The following RAB27A variants were observed in gnomAD, a reference collection of about 807,000 sequenced individuals.
The protein encoded by RAB27A is ras-related protein Rab-27A.
Under a neutral mutation model 20.8 loss-of-function variants are expected in RAB27A, and 17 were observed. The ratio of observed to expected loss-of-function variants is 0.82; its 90% CI spans 0.56 to 1.23. RAB27A has a LOEUF of 1.23. RAB27A is among the 50% of genes most tolerant of loss of function. The probability of loss-of-function intolerance (pLI) is 0.00; values close to 1 mark genes in which losing one functional copy is unlikely to be tolerated. For synonymous variants in RAB27A, 85 were observed against 92.8 expected (o/e 0.92, Z 0.48); for missense variants, 277 against 266.7 (o/e 1.04, Z -0.27).
Position 55,289,151 on chromosome 15 carries a change from T to A in RAB27A, c.-143+565A>T, listed in dbSNP as rs1453934029. The A allele has an allele frequency of 2.0e-5, 3 of 152,364 alleles. No individual in the cohort carries two copies. The East Asian group carries it at 5.8e-4, about 29-fold the overall frequency. The allele number at this position is 152,364 out of a possible 1,614,324, so 9.4% of individuals were successfully genotyped here. On this transcript the variant is annotated intron_variant, in intron 1 of 6. Coordinates refer to ENST00000336787, the MANE Select transcript of RAB27A (RefSeq NM_183235.3). The stretch of plus-strand genomic sequence containing the variant: ...TGACTTTGCTGAACTGGTGATCTAT[T>A]GGGACAGAGACAGGCTTTGGCAATA...
chr15:55,302,216 AAAC>A (rs1048398124), intron 2 of RAB27A, among the ~76,000 whole-genome samples: 19 of 151,538 alleles, frequency 1.3e-4, no homozygotes, highest in South Asian at 1.0e-3. Context: ...CTCATCTCAA[AAAC>A]AACAACAACA....
upstream of RAB27A, among the ~76,000 whole-genome samples, chr15:55,294,589 G>GAAAAAAAAAAAA (rs1181179911): frequency 6.9e-5 from 2 of 29,184 alleles, no homozygotes; most frequent in African/African-American, 2.4e-4. Flanking sequence ...CCCTGTCTCC[G>GAAAAAAAAAAAA]AAAAAAAAAA....
chr15:55,263,368 C>T (rs1897344299), intron 2 of RAB27A, among the ~76,000 whole-genome samples: 1 of 143,728 alleles, frequency 7.0e-6, no homozygotes, highest in African/African-American at 2.7e-5. Context: ...AAGTCGCTCC[C>T]GTCTTGGGCT....
At chr15:55,235,471 T>C (rs1896218501) in intron 2 of RAB27A, among the ~76,000 whole-genome samples, 1 of 150,970 alleles carries the variant, frequency 6.6e-6, no homozygotes, top group African/African-American at 2.4e-5. Flanking sequence ...TAAATAAAAA[T>C]AAAAATAAAA....
At chr15:55,298,417 G>C (rs542699840) in intron 2 of RAB27A, among the ~76,000 whole-genome samples, 36 of 152,208 alleles carry the variant, frequency 2.4e-4, no homozygotes, top group African/African-American at 8.4e-4. Context: ...AAACCACCAA[G>C]TTTTTATTAG....
rs1229229840 is a variant in RAB27A, at chr15:55,227,767, G to T, written c.343+842C>A. Among the ~76,000 whole-genome samples the T allele has an allele frequency of 3.3e-5, 5 of 152,092 alleles. No homozygotes were observed. The East Asian group carries it at 9.6e-4, about 29-fold the overall frequency. On this transcript the variant is annotated intron_variant, in intron 5 of 6. Coordinates refer to ENST00000336787, the MANE Select transcript of RAB27A (RefSeq NM_183235.3). ...ATTTTTAAACTCATTTTTAATCTAA[G>T]CTTTTCTACTATCAAAACTACAGCC...
chr15:55,246,610 T>C (rs1206401869), intron 2 of RAB27A, among the ~76,000 whole-genome samples: 12 of 145,910 alleles, frequency 8.2e-5, no homozygotes, highest in East Asian at 4.0e-4. Context: ...TATAGGGTAA[T>C]AGAAAAAAAA....
At chr15:55,318,551 A>C (rs1374113713) in intron 1 of RAB27A, among the ~76,000 whole-genome samples, 2 of 151,308 alleles carry the variant, frequency 1.3e-5, no homozygotes, top group Non-Finnish European at 3.0e-5. Context: ...AAAAAACACA[A>C]AAATTGGCCA....
At chr15:55,223,423 C>T (rs1264235060) in intron 6 of RAB27A, among the ~76,000 whole-genome samples, 3 of 151,634 alleles carry the variant, frequency 2.0e-5, no homozygotes, top group East Asian at 1.9e-4. Flanking sequence ...GTAGGAGAAT[C>T]GCTTGAACCC....
chr15:55,299,656 A>C (rs1595754628), intron 2 of RAB27A, among the ~76,000 whole-genome samples: 1 of 151,962 alleles, frequency 6.6e-6, no homozygotes, highest in East Asian at 1.9e-4. Context: ...TCCAGAATAA[A>C]GGAAACAAGA....
At chr15:55,229,195 T>C (rs954293440) in intron 4 of RAB27A, among the ~76,000 whole-genome samples, 2 of 152,140 alleles carry the variant, frequency 1.3e-5, no homozygotes, top group East Asian at 3.8e-4. Flanking sequence ...CTGTCTTCCC[T>C]GTCTTCTCTC....
At position 55,252,784 on chromosome 15, in the gene RAB27A, C is replaced by T. The variant is rs78703179; in HGVS notation, c.-23+17381G>A. Among the ~76,000 whole-genome samples the T allele has an allele frequency of 2.6e-5, 4 of 152,280 alleles. No individual in the cohort carries two copies. In the East Asian group the frequency reaches 7.7e-4, roughly 29 times the overall value. On this transcript the variant is annotated intron_variant, in intron 2 of 6. Coordinates refer to ENST00000336787, the MANE Select transcript of RAB27A (RefSeq NM_183235.3). ...AAAGCCAGAGAAATGTTCTAACCTT[C>T]TAAGTTACAGCAATTTATTCAATCA...
intron 2 of RAB27A, among the ~76,000 whole-genome samples, chr15:55,259,031 G>C (rs992477697): frequency 6.6e-6 from 1 of 152,114 alleles, no homozygotes; most frequent in Admixed American, 6.5e-5. Flanking sequence ...AGCCAGGCTG[G>C]TCTCGAACTC....
At chr15:55,274,412 T>G (rs1007236586) in intron 1 of RAB27A, among the ~76,000 whole-genome samples, 1 of 151,278 alleles carries the variant, frequency 6.6e-6, no homozygotes, top group East Asian at 1.9e-4. Flanking sequence ...CAAAATGAAA[T>G]AGAGACCAAA....
At chr15:55,264,550 G>A (rs948265880) in intron 2 of RAB27A, among the ~76,000 whole-genome samples, 1 of 152,130 alleles carries the variant, frequency 6.6e-6, no homozygotes, top group African/African-American at 2.4e-5. Flanking sequence ...ATGTGGGAAA[G>A]GGTTGTAGTG....
In RAB27A at chr15:55,242,737, T is replaced by A. The variant is rs562059727; in HGVS notation, c.-22-7781A>T. Reference sequence around the variant, plus strand: ...CTTGGCATTCCAATCTAAGAATGAGTTGTATCTGGGTGATTTTTGGTAATT... The same window carrying A: ...CTTGGCATTCCAATCTAAGAATGAGATGTATCTGGGTGATTTTTGGTAATT... On this transcript the variant is annotated intron_variant, in intron 2 of 6. Transcript: ENST00000336787. Among the ~76,000 whole-genome samples the A allele has an allele frequency of 3.1e-4, 47 of 152,216 alleles. 1 individual carries two copies. Among genetic ancestry groups the A allele is most frequent in the Admixed American group, 1.5e-3 (23 of 15,280 alleles).
At chr15:55,234,233 T>A (rs1206794079) in intron 3 of RAB27A, among the ~76,000 whole-genome samples, 1 of 152,128 alleles carries the variant, frequency 6.6e-6, no homozygotes. Flanking sequence ...AGTCTCAAAG[T>A]CCTTAAAAAA....
At chr15:55,305,478 A>C (rs1025313883) in intron 2 of RAB27A, among the ~76,000 whole-genome samples, 4 of 152,194 alleles carry the variant, frequency 2.6e-5, no homozygotes, top group African/African-American at 9.6e-5. Flanking sequence ...AAACTTAACA[A>C]GGAGGTTAAA....
chr15:55,308,002 C>T (rs1317556056), intron 2 of RAB27A, among the ~76,000 whole-genome samples: 1 of 152,050 alleles, frequency 6.6e-6, no homozygotes, highest in Admixed American at 6.6e-5. Context: ...GGCTAGCCAT[C>T]CTGAGGGGAG....
Sources: gnomAD v4.1 joint callset for allele counts (sites outside exome capture counted in the v4.1 genomes callset) on GRCh38, gnomAD v4.1.1 for gene constraint, MANE v1.5 for transcripts, NCBI Gene and HGNC (gene_info 2026-07-23, HGNC 2026-07-21) for gene names.